LRRC4C: variants seen among roughly 807,000 people sequenced by gnomAD.
The protein encoded by LRRC4C is leucine rich repeat containing 4C.
Under a neutral mutation model 33.6 loss-of-function variants are expected in LRRC4C, and 5 were observed. That is an observed-to-expected ratio of 0.15 (90% CI 0.08 to 0.31). LRRC4C has a LOEUF of 0.31. Among genes scored for constraint, LRRC4C ranks in the 10% least tolerant of loss-of-function variants. LRRC4C has a pLI of 1.00. For missense variants in LRRC4C, 560 were observed against 796.7 expected, an observed-to-expected ratio of 0.70 and a Z score of 3.58; for synonymous variants, 329 against 302.0, an observed-to-expected ratio of 1.09 and a Z score of -0.93.
chr11:40,860,239 C>G (rs937362529), intron 2 of LRRC4C, among the ~76,000 whole-genome samples: 2 of 152,030 alleles, frequency 1.3e-5, no homozygotes, highest in African/African-American at 4.8e-5. Flanking sequence ...CAGAGACAGA[C>G]AGCAGATTGG....
chr11:41,453,642 C>T (rs1235134477), intron 1 of LRRC4C, among the ~76,000 whole-genome samples: 3 of 151,700 alleles, frequency 2.0e-5, no homozygotes, highest in Admixed American at 2.0e-4. Flanking sequence ...ATAATGTTAC[C>T]TTGCTTATTT....
At chr11:41,034,924 T>A (rs1456458348) in intron 1 of LRRC4C, among the ~76,000 whole-genome samples, 1 of 150,438 alleles carries the variant, frequency 6.6e-6, no homozygotes, top group Non-Finnish European at 1.5e-5. Flanking sequence ...TAATTTTGAT[T>A]TTTTGGGGGT....
Position 41,119,049 on chromosome 11 carries a change from AC to A in LRRC4C, c.-495-185327del, listed in dbSNP as rs1169669390. Among the ~76,000 whole-genome samples, 4 of 152,220 alleles carry A rather than the reference AC, an allele frequency of 2.6e-5. No homozygotes were observed. The South Asian group carries it at 8.3e-4, about 32-fold the overall frequency. Reference sequence around the variant, plus strand: ...TTAACTCAAGAGAAGTGTAAAGGGTACCATGCTTTAACAATTCATTATCATC... The same window carrying A: ...TTAACTCAAGAGAAGTGTAAAGGGTACATGCTTTAACAATTCATTATCATC... On this transcript the variant is annotated intron_variant, in intron 1 of 6. Transcript: ENST00000528697.
At chr11:40,516,508 G>A (rs1421639214) in intron 3 of LRRC4C, among the ~76,000 whole-genome samples, 1 of 151,988 alleles carries the variant, frequency 6.6e-6, no homozygotes, top group African/African-American at 2.4e-5. Context: ...GCATTTGATT[G>A]GTTTATGTCC....
intron 3 of LRRC4C, among the ~76,000 whole-genome samples, chr11:40,616,596 T>A (rs1361159894): frequency 6.6e-6 from 1 of 151,872 alleles, no homozygotes; most frequent in Non-Finnish European, 1.5e-5. Context: ...AATGATGAGT[T>A]CATGTCCTTT....
intron 2 of LRRC4C, among the ~76,000 whole-genome samples, chr11:40,932,262 C>T (rs1329233496): frequency 6.6e-6 from 1 of 151,984 alleles, no homozygotes; most frequent in Admixed American, 6.6e-5. Context: ...AATTATTGAG[C>T]TCCTATCATT....
intron 3 of LRRC4C, among the ~76,000 whole-genome samples, chr11:40,381,944 A>G (rs1480129093): frequency 1.4e-5 from 2 of 146,668 alleles, no homozygotes; most frequent in Non-Finnish European, 3.0e-5. Flanking sequence ...CAAAATGTTT[A>G]TCAGTCAGCG....
chr11:40,769,293 A>G (rs1043104755), intron 2 of LRRC4C, among the ~76,000 whole-genome samples: 1 of 152,146 alleles, frequency 6.6e-6, no homozygotes, highest in Non-Finnish European at 1.5e-5. Context: ...AATCTGTACA[A>G]TGGAAACTAT....
intron 1 of LRRC4C, among the ~76,000 whole-genome samples, chr11:41,383,651 AAC>A (rs1953242522): frequency 6.6e-6 from 1 of 152,022 alleles, no homozygotes; most frequent in South Asian, 2.1e-4. Context: ...ATTTGAAAGA[AAC>A]AACAGAAAAA....
intron 1 of LRRC4C, among the ~76,000 whole-genome samples, chr11:41,144,392 TC>T (rs1249056138): frequency 6.6e-6 from 1 of 152,214 alleles, no homozygotes; most frequent in African/African-American, 2.4e-5. Flanking sequence ...AATATTTTTT[TC>T]CTGAATAGAA....
At chr11:40,570,435 G>A (rs1957938076) in intron 3 of LRRC4C, among the ~76,000 whole-genome samples, 1 of 152,138 alleles carries the variant, frequency 6.6e-6, no homozygotes. Flanking sequence ...GAAAAGTAAT[G>A]TGATCCTGCT....
At chr11:41,043,570 G>A (rs1857578022) in intron 1 of LRRC4C, among the ~76,000 whole-genome samples, 2 of 151,560 alleles carry the variant, frequency 1.3e-5, no homozygotes, top group South Asian at 4.2e-4. Flanking sequence ...AATAATATGA[G>A]TGCATTATCT....
chr11:40,169,747 A>T (rs1290041957), intron 5 of LRRC4C, among the ~76,000 whole-genome samples: 2 of 152,134 alleles, frequency 1.3e-5, no homozygotes, highest in East Asian at 1.9e-4. Flanking sequence ...CAAGTCTAGT[A>T]TTCCACTTAA....
At chr11:41,089,220 T>C (rs748620321) in intron 1 of LRRC4C, among the ~76,000 whole-genome samples, 1 of 152,042 alleles carries the variant, frequency 6.6e-6, no homozygotes, top group Non-Finnish European at 1.5e-5. Flanking sequence ...TATGTGGGTT[T>C]GCATGTTTAT....
At chr11:40,331,195 A>G (rs568770114) in intron 3 of LRRC4C, among the ~76,000 whole-genome samples, 2 of 152,354 alleles carry the variant, frequency 1.3e-5, no homozygotes, top group Non-Finnish European at 2.9e-5. Flanking sequence ...GTTAATTAGT[A>G]CAGCCATTAT....
At chr11:41,123,012 C>T (rs1382571665) in intron 1 of LRRC4C, 1 of 152,000 alleles carries the variant, frequency 6.6e-6, no homozygotes, top group Admixed American at 6.6e-5. Context: ...CCTAAGTGAG[C>T]ACTATACTAA....
At chr11:41,202,980 T>A (rs1371786430) in intron 1 of LRRC4C, among the ~76,000 whole-genome samples, 2 of 152,180 alleles carry the variant, frequency 1.3e-5, no homozygotes, top group Non-Finnish European at 2.9e-5. Context: ...GAGACGGGGT[T>A]TCACCATGTT....
chr11:40,501,045 T>G (rs903019373), intron 3 of LRRC4C, among the ~76,000 whole-genome samples: 1 of 152,152 alleles, frequency 6.6e-6, no homozygotes, highest in African/African-American at 2.4e-5. Flanking sequence ...ACAGACCCCA[T>G]GCAAGTCTGA....
Position 40,410,897 on chromosome 11 carries a change from T to C in LRRC4C, c.-269-91176A>G, listed in dbSNP as rs1325912028. On this transcript the variant is annotated intron_variant, in intron 3 of 6. Coordinates refer to ENST00000528697, the MANE Select transcript of LRRC4C (RefSeq NM_001258419.2). ...GGCAGTCACATCTAACCATTGATTC[T>C]TATTATACCCATGAGAAAATATCAC... Among the ~76,000 whole-genome samples, 6 of 152,138 alleles carry C rather than the reference T, an allele frequency of 3.9e-5. No individual in the cohort carries two copies. The East Asian group carries it at 1.2e-3, about 29-fold the overall frequency.
Sources: gnomAD v4.1 joint callset for allele counts (sites outside exome capture counted in the v4.1 genomes callset) on GRCh38, gnomAD v4.1.1 for gene constraint, MANE v1.5 for transcripts, NCBI Gene and HGNC (gene_info 2026-07-23, HGNC 2026-07-21) for gene names.